The following ABCA10 variants were observed in gnomAD, a reference collection of about 807,000 sequenced individuals.
The protein encoded by ABCA10 is ATP-binding cassette sub-family A member 10.
Under a neutral mutation model 187.5 loss-of-function variants are expected in ABCA10, and 169 were observed. The observed-to-expected ratio is 0.90, with a 90% CI of 0.80 to 1.02. The LOEUF (loss-of-function observed/expected upper bound fraction) is 1.02, where lower values mean the gene tolerates loss of function less well. ABCA10 is among the 50% of genes least tolerant of loss of function. The probability of loss-of-function intolerance (pLI) is 0.00; values close to 1 mark genes in which losing one functional copy is unlikely to be tolerated. For synonymous variants in ABCA10, 574 were observed against 601.8 expected (o/e 0.95, Z 0.68); for missense variants, 1,727 against 1,812.4 (o/e 0.95, Z 0.86).
chr17:69,198,450 A>G (rs1279545064), intron 10 of ABCA10, among the ~76,000 whole-genome samples: 1 of 152,208 alleles, frequency 6.6e-6, no homozygotes, highest in Non-Finnish European at 1.5e-5. Context: ...GGGTCACGTG[A>G]GCCAAGCATA....
intron 20 of ABCA10, among the ~76,000 whole-genome samples, chr17:69,183,624 T>C (rs1385834500): frequency 6.6e-6 from 1 of 152,148 alleles, no homozygotes; most frequent in Non-Finnish European, 1.5e-5. Context: ...GGGAGGATTT[T>C]ACCTTACCTG....
Position 69,156,925 on chromosome 17 carries a change from TA to T in ABCA10, c.3364-3del. On this transcript the variant is annotated splice_polypyrimidine_tract_variant and splice_region_variant and intron_variant, in intron 27 of 38. Transcript: ENST00000690296. ...GAAAATAACACTCTGAAGGTATGGCTAAAAGAAAAGAAAAATAATCAGAATT... is the reference window on the plus strand; with the variant it reads ...GAAAATAACACTCTGAAGGTATGGCTAAAGAAAAGAAAAATAATCAGAATT... 1 of 1,548,766 alleles carries T rather than the reference TA, an allele frequency of 6.5e-7. No homozygotes were observed. Among genetic ancestry groups the T allele is most frequent in the South Asian group, 1.2e-5 (1 of 83,094 alleles).
In ABCA10 at chr17:69,182,136, TC is replaced by T; in HGVS notation, c.2769+16del. 1 of 1,556,376 alleles carries T rather than the reference TC, an allele frequency of 6.4e-7. No individual in the cohort carries two copies. Among genetic ancestry groups the T allele is most frequent in the Non-Finnish European group, 8.7e-7 (1 of 1,152,774 alleles). On this transcript the variant is annotated intron_variant, in intron 22 of 38. Transcript: ENST00000690296. ...TCTGCTGTGTTGCCTCTTATATAAG[TC>T]GAATACTCTACTTACACGAGAAAAT...
chr17:69,229,282 A>G (rs748493322), upstream of ABCA10, among the ~76,000 whole-genome samples: 1 of 152,066 alleles, frequency 6.6e-6, no homozygotes, highest in Non-Finnish European at 1.5e-5. Flanking sequence ...AGATGTTTAA[A>G]TAAGTGTGAA....
At position 69,154,223 on chromosome 17, in the gene ABCA10, C is replaced by T. The variant is rs1426109527; in HGVS notation, c.3786+12G>A. The T allele has an allele frequency of 1.3e-6, 2 of 1,583,296 alleles. No individual in the cohort carries two copies. Among genetic ancestry groups the T allele is most frequent in the Admixed American group, 1.9e-5 (1 of 53,898 alleles). On this transcript the variant is annotated intron_variant, in intron 31 of 38. Transcript: ENST00000690296. ...AATATTTAAAATAAAATTTCCTTCACATGTCACATACCACTCCTGCAGTTG... is the reference window on the plus strand; with the variant it reads ...AATATTTAAAATAAAATTTCCTTCATATGTCACATACCACTCCTGCAGTTG...
At position 69,177,973 on chromosome 17, in the gene ABCA10, A is replaced by AAT. The variant is rs58222975; in HGVS notation, c.2770-2462_2770-2461dup. On this transcript the variant is annotated intron_variant, in intron 22 of 38. Coordinates refer to ENST00000690296, the MANE Select transcript of ABCA10 (RefSeq NM_001377321.1). ...TCCATTTCAAAAAAAAAAAAAAAAA[A>AAT]ATATATATATATATATATGTTATAT... Among the ~76,000 whole-genome samples, 244 of 49,944 alleles carry AAT rather than the reference A, an allele frequency of 4.9e-3. 5 individuals are homozygous for AAT. The highest frequency in any genetic ancestry group is 0.011 in the East Asian group (29 of 2,694). 32.8% of individuals were successfully genotyped at this position (49,944 alleles called of 152,430 possible). A position where few individuals can be genotyped will look rare whatever the true frequency, so the allele number is the denominator to read the frequency against.
chr17:69,221,982 A>G (rs2074751946), intron 4 of ABCA10, 87 bp from the exon 5 acceptor site: 1 of 962,658 alleles, frequency 1.0e-6, no homozygotes, highest in South Asian at 1.7e-5. Flanking sequence ...CAAAAATCAA[A>G]ATATCTAAAT....
At chr17:69,191,892 C>T (rs534828937) in intron 16 of ABCA10, among the ~76,000 whole-genome samples, 13 of 152,132 alleles carry the variant, frequency 8.5e-5, no homozygotes, top group Non-Finnish European at 1.8e-4. Flanking sequence ...CTAAAATGTT[C>T]CCATGTGATA....
Position 69,182,174 on chromosome 17 carries a change from C to T in ABCA10, c.2748G>A (p.Met916Ile), listed in dbSNP as rs748763714. 84 of 1,583,182 alleles carry T rather than the reference C, an allele frequency of 5.3e-5. No homozygotes were observed. The highest frequency in any genetic ancestry group is 6.7e-5 in the Non-Finnish European group (78 of 1,164,926). Reference protein sequence around the residue: ...GIFNFTELIQMESTSFSRDDI... With the variant: ...GIFNFTELIQIESTSFSRDDI... ...TTACACGAGAAAATGAAGTGCTCTC[C>T]ATTTGAATAAGCTCCGTGAAGTTAA... The change falls in exon 22 of 39, where the codon ATG becomes ATA. Residue 916 changes from methionine to isoleucine, a missense_variant. Transcript: ENST00000690296.
In ABCA10 at chr17:69,174,693, A is replaced by G. The variant is rs932611425; in HGVS notation, c.2962T>C (p.Tyr988His). The G allele has an allele frequency of 6.8e-6, 11 of 1,612,148 alleles. No homozygotes were observed. The highest frequency in any genetic ancestry group is 9.3e-6 in the Non-Finnish European group (11 of 1,178,644). ...CGQALVDIPL[Y>H]FLILFSIHLI... The stretch of plus-strand genomic sequence containing the variant: ...TGTATTGAAAAGAGAATCAAGAAGT[A>G]TAATGGAATGTCCACCAGAGCCTGT... Residue 988 changes from tyrosine (Y) to histidine (H), a missense_variant, in exon 24 of 39, where the codon TAC (tyrosine) becomes CAC (histidine). Coordinates refer to ENST00000690296, the MANE Select transcript of ABCA10 (RefSeq NM_001377321.1).
intron 8 of ABCA10, chr17:69,215,525 C>T (rs1445875585): frequency 2.6e-5 from 6 of 234,768 alleles, no homozygotes; most frequent in African/African-American, 9.2e-5. Context: ...TATTCATAAC[C>T]TCACATTTTA....
Position 69,216,322 on chromosome 17 carries a change from G to A in ABCA10, c.567C>T (p.Phe189=). The A allele has an allele frequency of 1.2e-6, 2 of 1,613,290 alleles. No homozygotes were observed. Among genetic ancestry groups the A allele is most frequent in the South Asian group, 2.2e-5 (2 of 90,902 alleles). ...CCAGAGCCATAAAAATGGACATAAT[G>A]AAGATGAAGCAAATGTATGTCAATC... ...SWGLTYICFI[F]IMSIFMALVI... Residue 189 remains phenylalanine, a synonymous_variant, in exon 7 of 39, where the codon TTC becomes TTT. Transcript: ENST00000690296.
chr17:69,186,363 G>T (rs1039606867), intron 19 of ABCA10, among the ~76,000 whole-genome samples: 1 of 152,090 alleles, frequency 6.6e-6, no homozygotes, highest in African/African-American at 2.4e-5. Context: ...CACAGATTCA[G>T]TCATCCTCTC....
chr17:69,160,228 A>T (rs1055661831), intron 27 of ABCA10, among the ~76,000 whole-genome samples: 1 of 152,212 alleles, frequency 6.6e-6, no homozygotes, highest in African/African-American at 2.4e-5. Flanking sequence ...CAAATCATAT[A>T]TCTGATAAGG....
rs753872789 is a variant in ABCA10 at position 69,187,765 on chromosome 17, G to A, written c.2246C>T (p.Ala749Val). ...ATAGATTTGTCGTCTCCAGAGAGCTGCACTACTGACAGCCTTTCTTGTTTC... is the reference window on the plus strand; with the variant it reads ...ATAGATTTGTCGTCTCCAGAGAGCTACACTACTGACAGCCTTTCTTGTTTC... ...LPETRKAVSS[A>V]ALWRRQIYAV... The change falls in exon 19 of 39, where the codon GCA (alanine) becomes GTA (valine). Residue 749 changes from alanine to valine, a missense_variant. Ala to Val is a moderately conservative substitution (Grantham distance 64). Transcript: ENST00000690296. The A allele has an allele frequency of 7.4e-6, 12 of 1,613,772 alleles. No individual in the cohort carries two copies. Among genetic ancestry groups the A allele is most frequent in the African/African-American group, 6.7e-5 (5 of 74,904 alleles).
intron 27 of ABCA10, among the ~76,000 whole-genome samples, chr17:69,160,256 T>C (rs1010896718): frequency 6.6e-6 from 1 of 152,198 alleles, no homozygotes; most frequent in African/African-American, 2.4e-5. Flanking sequence ...ATTCAGAATA[T>C]ATTTTTAAAA....
chr17:69,241,776 G>A (rs997826722), intron 1 of ABCA10, among the ~76,000 whole-genome samples: 2 of 152,186 alleles, frequency 1.3e-5, no homozygotes, highest in African/African-American at 4.8e-5. Context: ...TATAATAAAA[G>A]CTCAGTGAGG....
intron 25 of ABCA10, among the ~76,000 whole-genome samples, chr17:69,172,423 C>T (rs1018094481): frequency 4.6e-5 from 7 of 152,050 alleles, no homozygotes; most frequent in Admixed American, 2.6e-4. Context: ...AGGACACAGA[C>T]GCGTCCAAAG....
At chr17:69,201,386 G>T in intron 10 of ABCA10, 114 bp downstream of exon 10, 3 of 968,766 alleles carry the variant, frequency 3.1e-6, no homozygotes, top group Non-Finnish European at 4.2e-6. Flanking sequence ...TAGGATGATG[G>T]CAGAGAAATA....
Sources: allele counts gnomAD v4.1 joint callset (sites outside exome capture counted in the v4.1 genomes callset), GRCh38; gene constraint gnomAD v4.1.1; transcripts MANE v1.5; gene names NCBI Gene and HGNC (gene_info 2026-07-23, HGNC 2026-07-21).